SDK2: variants seen among roughly 807,000 people sequenced by gnomAD.
SDK2 encodes the protein sidekick cell adhesion molecule 2.
Under a neutral mutation model 253.9 loss-of-function variants are expected in SDK2, and 105 were observed. That is an observed-to-expected ratio of 0.41 (90% CI 0.35 to 0.49). The LOEUF (loss-of-function observed/expected upper bound fraction) is 0.49. Ranked by LOEUF, SDK2 falls within the 20% of genes least tolerant of loss-of-function variation. The pLI is 0.06. For synonymous variants in SDK2, 1,249 were observed against 1,234.9 expected, an observed-to-expected ratio of 1.01 and a Z score of -0.24; for missense variants, 2,608 against 3,003.0, an observed-to-expected ratio of 0.87 and a Z score of 3.07.
At position 73,511,123 on chromosome 17, in the gene SDK2, AG is replaced by A. The variant is rs1286973927; in HGVS notation, c.65-3527del. Among the ~76,000 whole-genome samples, 2 of 152,180 alleles carry A rather than the reference AG, an allele frequency of 1.3e-5. No individual in the cohort carries two copies. Among genetic ancestry groups the A allele is most frequent in the African/African-American group, 4.8e-5 (2 of 41,444 alleles). The stretch of plus-strand genomic sequence containing the variant: ...ACAAATGGGCACATTCTTACTTCAA[AG>A]GCGCATTCATATTCTCCAGCAGCTT... On this transcript the variant is annotated intron_variant, in intron 1 of 44. Transcript: ENST00000392650. This position sits in a 1 kb window ranked among gnomAD's most constrained non-coding sequence, Gnocchi z 4.9.
At chr17:73,564,774 G>A (rs1010367362) in intron 1 of SDK2, among the ~76,000 whole-genome samples, 1 of 151,802 alleles carries the variant, frequency 6.6e-6, no homozygotes, top group East Asian at 1.9e-4. Flanking sequence ...GCAGTGGGCC[G>A]AGATCGCGCC....
intron 3 of SDK2, among the ~76,000 whole-genome samples, chr17:73,470,977 T>C (rs1288296529): frequency 6.6e-6 from 1 of 152,174 alleles, no homozygotes; most frequent in Non-Finnish European, 1.5e-5. Flanking sequence ...CACTGGGTCT[T>C]AGGGGAAGAG....
rs1023419639 is a variant in SDK2, at chr17:73,379,673, T to C, written c.4763-124A>G. 1.6e-6 allele frequency: 1 copy of C among 641,510 alleles called. No homozygotes were observed. The highest frequency in any genetic ancestry group is 2.7e-6 in the Non-Finnish European group (1 of 363,692). The allele number at this position is 641,510 out of a possible 1,614,324, so 39.7% of individuals were successfully genotyped here. A position where few individuals can be genotyped will look rare whatever the true frequency, so the allele number is the denominator to read the frequency against. On this transcript the variant is annotated intron_variant, in intron 34 of 44. Transcript: ENST00000392650. The surrounding 1 kb of genome is among the most constrained non-coding windows in gnomAD (Gnocchi z 4.5). Reference sequence around the variant, plus strand: ...GCACCCCCGCCATTCTAGCCCCCTCTGTGAAGGTGCATGAAGGAGGAGGTG... The same window carrying C: ...GCACCCCCGCCATTCTAGCCCCCTCCGTGAAGGTGCATGAAGGAGGAGGTG...
intron 39 of SDK2, among the ~76,000 whole-genome samples, chr17:73,360,938 G>GA (rs1262851160): frequency 0.01 from 923 of 88,678 alleles, 6 homozygotes; most frequent in African/African-American, 0.017. Context: ...TCTGTCTCCA[G>GA]AAAAAAAAAA....
intron 36 of SDK2, among the ~76,000 whole-genome samples, 176 bp from the exon 37 acceptor site, chr17:73,368,769 G>A (rs1463305219): frequency 2.6e-5 from 4 of 152,276 alleles, no homozygotes. Flanking sequence ...CAGCACTTTG[G>A]GAGGCAGAGG....
chr17:73,540,198 G>A lies in SDK2; in HGVS notation c.65-32601C>T, dbSNP rs567281387. On this transcript the variant is annotated intron_variant, in intron 1 of 44. Coordinates refer to ENST00000392650, the MANE Select transcript of SDK2 (RefSeq NM_001144952.2). Reference sequence around the variant, plus strand: ...CTGGAAGCTGGAAGAGGTGGGGAACGATTCTGCTCAGAGCCTCCGAGGGAG... The same window carrying A: ...CTGGAAGCTGGAAGAGGTGGGGAACAATTCTGCTCAGAGCCTCCGAGGGAG... Among the ~76,000 whole-genome samples the A allele has an allele frequency of 3.3e-5, 5 of 152,324 alleles. No individual in the cohort carries two copies. The South Asian group carries it at 1.0e-3, about 32-fold the overall frequency.
chr17:73,490,641 A>G (rs922330956), intron 2 of SDK2, among the ~76,000 whole-genome samples: 5 of 150,236 alleles, frequency 3.3e-5, no homozygotes, highest in Non-Finnish European at 5.9e-5. Flanking sequence ...GATCCCCCCA[A>G]GTAGCTAGGA....
intron 4 of SDK2, among the ~76,000 whole-genome samples, chr17:73,452,849 T>G (rs2063498641): frequency 6.6e-6 from 1 of 152,204 alleles, no homozygotes; most frequent in South Asian, 2.1e-4. Context: ...GGGCTGGGAC[T>G]CGTCTACTTG....
intron 1 of SDK2, among the ~76,000 whole-genome samples, chr17:73,535,608 C>G (rs779627187): frequency 1.2e-4 from 19 of 152,224 alleles, no homozygotes; most frequent in Non-Finnish European, 2.5e-4. Flanking sequence ...CCCACCATTG[C>G]CAATTTCCCT....
intron 1 of SDK2, among the ~76,000 whole-genome samples, chr17:73,563,854 C>A (rs1269945841): frequency 6.6e-6 from 1 of 151,948 alleles, no homozygotes; most frequent in Non-Finnish European, 1.5e-5. Flanking sequence ...CTTACTGCAG[C>A]CTTAACGTTC....
intron 1 of SDK2, among the ~76,000 whole-genome samples, chr17:73,533,912 A>C (rs1345251617): frequency 6.6e-6 from 1 of 152,080 alleles, no homozygotes; most frequent in Non-Finnish European, 1.5e-5. Context: ...CCACTTGCTA[A>C]TTAGAGACTA....
intron 44 of SDK2, among the ~76,000 whole-genome samples, chr17:73,340,748 T>TTTTC: frequency 7.2e-6 from 1 of 138,180 alleles, no homozygotes; most frequent in African/African-American, 2.6e-5. Flanking sequence ...TTTTTTTTTT[T>TTTTC]TTTTTTTTTT....
At chr17:73,520,293 G>A (rs886645501) in intron 1 of SDK2, 6 of 152,342 alleles carry the variant, frequency 3.9e-5, no homozygotes, top group African/African-American at 1.4e-4. Context: ...CCCTTTTACT[G>A]GCTCTCATGG....
intron 18 of SDK2, among the ~76,000 whole-genome samples, chr17:73,403,468 CT>C (rs1366525976): frequency 1.3e-5 from 2 of 152,000 alleles, no homozygotes; most frequent in Admixed American, 1.3e-4. Flanking sequence ...CCTCACGCTC[CT>C]GTTTCTAGGC....
Position 73,352,360 on chromosome 17 carries a change from TCC to T in SDK2, c.5758+111_5758+112del. ...CCCCGAGGGGACAATGTGTTTTTGTTCCCGCCCCATGCTCCTGGTGCCCTGGT... is the reference window on the plus strand; with the variant it reads ...CCCCGAGGGGACAATGTGTTTTTGTTCGCCCCATGCTCCTGGTGCCCTGGT... On this transcript the variant is annotated intron_variant, in intron 41 of 44. Transcript: ENST00000392650. The surrounding 1 kb of genome is among the most constrained non-coding windows in gnomAD (Gnocchi z 4.1). 1.5e-6 allele frequency: 2 copies of T among 1,331,540 alleles called. No homozygotes were observed. The highest frequency in any genetic ancestry group is 2.0e-6 in the Non-Finnish European group (2 of 981,498). 82.5% of individuals were successfully genotyped at this position (1,331,540 alleles called of 1,614,324 possible). A position where few individuals can be genotyped will look rare whatever the true frequency, so the allele number is the denominator to read the frequency against.
chr17:73,388,611 T>C (rs36145410), intron 29 of SDK2, among the ~76,000 whole-genome samples: 60,449 of 152,008 alleles, frequency 0.4, 13,893 homozygotes, highest in Admixed American at 0.52. Flanking sequence ...CCAGTAGCAC[T>C]CCCACACTGT....
At chr17:73,538,645 G>C (rs1171017000) in intron 1 of SDK2, among the ~76,000 whole-genome samples, 1 of 152,216 alleles carries the variant, frequency 6.6e-6, no homozygotes, top group Non-Finnish European at 1.5e-5. Flanking sequence ...GCCCACACTG[G>C]GGATTCGGGG....
chr17:73,605,225 A>G (rs571033375), intron 1 of SDK2, among the ~76,000 whole-genome samples: 42 of 152,170 alleles, frequency 2.8e-4, no homozygotes, highest in Non-Finnish European at 5.4e-4. Context: ...TGAAGGAAAG[A>G]TGTAGGGAAG....
chr17:73,521,158 G>A (rs927763596), intron 1 of SDK2: 4 of 149,656 alleles, frequency 2.7e-5, no homozygotes, highest in African/African-American at 9.8e-5. Context: ...CTCCACTTTA[G>A]CCTCTCGAGT....
Sources: gnomAD v4.1 joint callset for allele counts (sites outside exome capture counted in the v4.1 genomes callset) on GRCh38, gnomAD v4.1.1 for gene constraint, Gnocchi (gnomAD v3.1) non-coding constraint, MANE v1.5 for transcripts, NCBI Gene and HGNC (gene_info 2026-07-23, HGNC 2026-07-21) for gene names.